Variants in EFL1 observed in about 807,000 individuals in gnomAD.
The protein encoded by EFL1 is elongation factor like GTPase 1.
EFL1 carries 76 observed loss-of-function variants against 126.7 expected under a neutral mutation model. That is an observed-to-expected ratio of 0.60 (90% CI 0.50 to 0.73). EFL1 has a LOEUF of 0.73. Ranked by LOEUF, EFL1 falls within the 30% of genes least tolerant of loss-of-function variation. The pLI, the probability that EFL1 is intolerant of heterozygous loss-of-function variation, is 0.00. For synonymous variants in EFL1, 410 were observed against 448.4 expected, an observed-to-expected ratio of 0.91 and a Z score of 1.08; for missense variants, 1,128 against 1,343.2, an observed-to-expected ratio of 0.84 and a Z score of 2.50.
At chr15:82,222,840 A>C (rs1567069510) in intron 12 of EFL1, among the ~76,000 whole-genome samples, 1 of 152,248 alleles carries the variant, frequency 6.6e-6, no homozygotes, top group Non-Finnish European at 1.5e-5. Flanking sequence ...TTGAAGGGGC[A>C]ATAGTTACTA....
At chr15:82,159,472 GT>G (rs542281221) in intron 16 of EFL1, among the ~76,000 whole-genome samples, 1,656 of 132,658 alleles carry the variant, frequency 0.012, 21 homozygotes, top group African/African-American at 0.033. Flanking sequence ...AATAAGAAAA[GT>G]TTTTTTTTTT....
At chr15:82,216,404 T>C (rs535739067) in intron 14 of EFL1, among the ~76,000 whole-genome samples, 8 of 152,134 alleles carry the variant, frequency 5.3e-5, no homozygotes, top group Admixed American at 6.5e-5. Flanking sequence ...TAGGAGCAAA[T>C]AGGAACAAAC....
intron 15 of EFL1, among the ~76,000 whole-genome samples, chr15:82,170,527 A>G (rs1372728324): frequency 2.6e-5 from 4 of 152,184 alleles, no homozygotes; most frequent in Non-Finnish European, 4.4e-5. Context: ...TTTAGTCAAC[A>G]TGCATTCTTG....
intron 16 of EFL1, chr15:82,160,027 C>G (rs1366731263): frequency 6.6e-6 from 1 of 152,290 alleles, no homozygotes; most frequent in East Asian, 1.9e-4. Context: ...TCCAATCATC[C>G]TTGCCTCCTG....
At chr15:82,229,745 T>C (rs190449309) in intron 8 of EFL1, among the ~76,000 whole-genome samples, 41 of 152,326 alleles carry the variant, frequency 2.7e-4, no homozygotes, top group East Asian at 1.9e-4. Context: ...ATAAAACTTA[T>C]GCACAAAGAT....
In EFL1 at chr15:82,157,694, G is replaced by C; in HGVS notation, c.2030+19C>G. The stretch of plus-strand genomic sequence containing the variant: ...GATTGAGAGCTATCATTTCTCCATC[G>C]CTATCATTTTCACCTAACCTTTCTT... On this transcript the variant is annotated intron_variant, in intron 17 of 19. Coordinates refer to ENST00000268206, the MANE Select transcript of EFL1 (RefSeq NM_024580.6). The C allele has an allele frequency of 6.2e-7, 1 of 1,600,304 alleles. No individual in the cohort carries two copies. The highest frequency in any genetic ancestry group is 8.5e-7 in the Non-Finnish European group (1 of 1,170,332).
chr15:82,234,943 T>G (rs2074857498), intron 7 of EFL1, among the ~76,000 whole-genome samples: 1 of 152,162 alleles, frequency 6.6e-6, no homozygotes, highest in Non-Finnish European at 1.5e-5. Context: ...CAGAAACTGT[T>G]GCAGTTTAAA....
chr15:82,179,968 G>A (rs1019087717), intron 15 of EFL1, among the ~76,000 whole-genome samples: 2 of 152,122 alleles, frequency 1.3e-5, no homozygotes, highest in African/African-American at 2.4e-5. Context: ...CTCCCTACAG[G>A]TAAAACTGGT....
chr15:82,205,761 T>C (rs1009791253), intron 15 of EFL1, among the ~76,000 whole-genome samples: 4 of 152,216 alleles, frequency 2.6e-5, no homozygotes. Context: ...AGAATTCCCA[T>C]CAAATAATCC....
chr15:82,236,552 G>A (rs2074874456), intron 7 of EFL1, among the ~76,000 whole-genome samples: 1 of 152,148 alleles, frequency 6.6e-6, no homozygotes, highest in Admixed American at 6.5e-5. Flanking sequence ...AGGCACAAAA[G>A]CAATTCTATG....
At chr15:82,215,631 A>G (rs1166137548) in intron 14 of EFL1, 1 of 152,124 alleles carries the variant, frequency 6.6e-6, no homozygotes, top group Non-Finnish European at 1.5e-5. Flanking sequence ...CAACCAACCA[A>G]TCTTTGGTGC....
At chr15:82,214,464 G>C (rs1301004599) in intron 15 of EFL1, among the ~76,000 whole-genome samples, 1 of 152,024 alleles carries the variant, frequency 6.6e-6, no homozygotes, top group South Asian at 2.1e-4. Flanking sequence ...GAAATAAATG[G>C]AACTCCAGCT....
chr15:82,252,914 CTA>C, intron 3 of EFL1, 139 bp from the exon 4 acceptor site: 1 of 652,994 alleles, frequency 1.5e-6, no homozygotes. Context: ...CAGGGTCTTG[CTA>C]TGTTGCCCAC....
intron 15 of EFL1, among the ~76,000 whole-genome samples, chr15:82,164,548 T>A (rs1185333747): frequency 1.3e-5 from 2 of 152,166 alleles, no homozygotes; most frequent in Non-Finnish European, 2.9e-5. Flanking sequence ...TGCATGAGAC[T>A]CTGAAGGTTG....
chr15:82,204,063 C>A (rs2074499213), intron 15 of EFL1, among the ~76,000 whole-genome samples: 1 of 152,166 alleles, frequency 6.6e-6, no homozygotes, highest in Non-Finnish European at 1.5e-5. Flanking sequence ...TAACACAGAA[C>A]ACTGTCAGAT....
chr15:82,190,717 C>T (rs774482421), intron 15 of EFL1, among the ~76,000 whole-genome samples: 3 of 151,918 alleles, frequency 2.0e-5, no homozygotes, highest in Non-Finnish European at 4.4e-5. Context: ...ATATATATTC[C>T]AGGTCTTGAG....
At chr15:82,162,139 T>C (rs1595951583) in intron 16 of EFL1, among the ~76,000 whole-genome samples, 1 of 151,768 alleles carries the variant, frequency 6.6e-6, no homozygotes, top group African/African-American at 2.4e-5. Context: ...TAGCTGGGTA[T>C]GGTGACATAT....
intron 7 of EFL1, among the ~76,000 whole-genome samples, chr15:82,235,731 T>C (rs1163533252): frequency 1.3e-5 from 2 of 152,138 alleles, no homozygotes; most frequent in Non-Finnish European, 2.9e-5. Context: ...CAGCCTGCAG[T>C]CCTAACATTA....
intron 16 of EFL1, among the ~76,000 whole-genome samples, chr15:82,160,966 A>G (rs572177508): frequency 2.2e-3 from 341 of 152,362 alleles, no homozygotes; most frequent in Non-Finnish European, 3.4e-3. Flanking sequence ...GTTCAATTAT[A>G]ATGAAGAAAA....
Sources: allele counts gnomAD v4.1 joint callset (sites outside exome capture counted in the v4.1 genomes callset), GRCh38; gene constraint gnomAD v4.1.1; transcripts MANE v1.5; gene names NCBI Gene and HGNC (gene_info 2026-07-23, HGNC 2026-07-21).